Variants in B3GALT1 observed in about 807,000 individuals in gnomAD.
The protein encoded by B3GALT1 is UDP-Gal:betaGlcNAc beta 1,3-galactosyltransferase, polypeptide 1.
In B3GALT1, 10 loss-of-function variants were observed where a neutral mutation model predicts 23.2. That is an observed-to-expected ratio of 0.43 (90% CI 0.27 to 0.73). The LOEUF is 0.73. Ranked by LOEUF, B3GALT1 falls within the 30% of genes least tolerant of loss-of-function variation. B3GALT1 has a pLI of 0.21. For missense variants in B3GALT1, 299 were observed against 405.4 expected (o/e 0.74, Z 2.25); for synonymous variants, 156 against 141.5 (o/e 1.10, Z -0.73).
At chr2:167,460,325 G>A (rs1471241753) in intron 1 of B3GALT1, among the ~76,000 whole-genome samples, 1 of 152,022 alleles carries the variant, frequency 6.6e-6, no homozygotes, top group Non-Finnish European at 1.5e-5. Context: ...TTTCAGGCTT[G>A]ATAATTTCCT....
chr2:167,583,760 T>A (rs1684531671), intron 2 of B3GALT1, among the ~76,000 whole-genome samples: 1 of 151,992 alleles, frequency 6.6e-6, no homozygotes, highest in Non-Finnish European at 1.5e-5. Flanking sequence ...TTTTACAGTG[T>A]TTTTAATAAT....
chr2:167,677,728 CT>C (rs934279901), intron 3 of B3GALT1, among the ~76,000 whole-genome samples: 6 of 152,156 alleles, frequency 3.9e-5, no homozygotes, highest in Admixed American at 3.9e-4. Context: ...CATTCTCATG[CT>C]GCTATAAGGA....
At chr2:167,772,369 C>A (rs1688087875) in intron 3 of B3GALT1, among the ~76,000 whole-genome samples, 1 of 152,136 alleles carries the variant, frequency 6.6e-6, no homozygotes, top group Non-Finnish European at 1.5e-5. Flanking sequence ...CTCATAACAA[C>A]CCTGTGAAGT....
chr2:167,803,285 A>G (rs1270889432), intron 3 of B3GALT1, among the ~76,000 whole-genome samples: 2 of 152,222 alleles, frequency 1.3e-5, no homozygotes, highest in African/African-American at 4.8e-5. Context: ...ATGCATTTTG[A>G]AGAACAAATA....
At chr2:167,343,481 T>G (rs1403900) in intron 1 of B3GALT1, among the ~76,000 whole-genome samples, 132,209 of 152,126 alleles carry the variant, frequency 0.87, 57,668 homozygotes, top group Middle Eastern at 0.93. Flanking sequence ...TTTAAGCAAC[T>G]ACACTGACAT....
chr2:167,378,135 G>A (rs1434557559), intron 1 of B3GALT1, among the ~76,000 whole-genome samples: 2 of 152,146 alleles, frequency 1.3e-5, no homozygotes, highest in Non-Finnish European at 2.9e-5. Context: ...CTTTAAAAAT[G>A]CTGAAAATAG....
At chr2:167,571,695 T>C (rs563085018) in intron 2 of B3GALT1, among the ~76,000 whole-genome samples, 2 of 152,002 alleles carry the variant, frequency 1.3e-5, no homozygotes, top group Admixed American at 1.3e-4. Flanking sequence ...CAAAAGTAAC[T>C]AGCAGTTCTA....
chr2:167,466,879 ATTTTTTTT>A (rs567975404), intron 1 of B3GALT1, among the ~76,000 whole-genome samples: 6 of 85,056 alleles, frequency 7.1e-5, no homozygotes, highest in Admixed American at 1.3e-4. Context: ...CGCCTGGCTA[ATTTTTTTT>A]TTTTTTTTTT....
At chr2:167,605,243 C>A (rs1173218571) in intron 2 of B3GALT1, among the ~76,000 whole-genome samples, 2 of 152,192 alleles carry the variant, frequency 1.3e-5, no homozygotes, top group East Asian at 3.9e-4. Flanking sequence ...ATTGAGCATT[C>A]TTTTGGATAA....
At chr2:167,475,312 C>T (rs953345887) in intron 1 of B3GALT1, among the ~76,000 whole-genome samples, 1 of 152,090 alleles carries the variant, frequency 6.6e-6, no homozygotes, top group Non-Finnish European at 1.5e-5. Flanking sequence ...TTATCAGTTC[C>T]ACTCTCAAGG....
chr2:167,625,311 AACATGGCC>A (rs1685322457), intron 2 of B3GALT1, among the ~76,000 whole-genome samples: 1 of 151,950 alleles, frequency 6.6e-6, no homozygotes, highest in Non-Finnish European at 1.5e-5. Context: ...AGGAAGTACT[AACATGGCC>A]ACAATAATTC....
chr2:167,784,088 A>G (rs1046744055), intron 3 of B3GALT1, among the ~76,000 whole-genome samples: 2 of 152,128 alleles, frequency 1.3e-5, no homozygotes, highest in African/African-American at 4.8e-5. Flanking sequence ...ATTTTTTTCA[A>G]ACTCCAAACC....
chr2:167,369,619 A>T (rs1452967989), intron 1 of B3GALT1, among the ~76,000 whole-genome samples: 2 of 152,138 alleles, frequency 1.3e-5, no homozygotes, highest in Non-Finnish European at 2.9e-5. Context: ...GTAATACTCA[A>T]TTTTGTTTTA....
chr2:167,416,212 G>T (rs1403892), intron 1 of B3GALT1, among the ~76,000 whole-genome samples: 1 of 152,096 alleles, frequency 6.6e-6, no homozygotes, highest in Admixed American at 6.5e-5. Flanking sequence ...TAGGAGGACA[G>T]AGTGGCTTTG....
intron 1 of B3GALT1, among the ~76,000 whole-genome samples, chr2:167,435,885 G>A (rs977853991): frequency 2.0e-5 from 3 of 150,480 alleles, no homozygotes; most frequent in Middle Eastern, 3.2e-3. Flanking sequence ...CTATTTGGTG[G>A]GTATGAATTT....
chr2:167,867,226 G>A (rs769239229), intron 4 of B3GALT1, among the ~76,000 whole-genome samples: 24 of 151,988 alleles, frequency 1.6e-4, no homozygotes, highest in African/African-American at 2.7e-4. Flanking sequence ...GCGCCCGGCC[G>A]AGAAGCTCTT....
chr2:167,448,425 C>G (rs1003488579), intron 1 of B3GALT1, among the ~76,000 whole-genome samples: 1 of 151,994 alleles, frequency 6.6e-6, no homozygotes, highest in Non-Finnish European at 1.5e-5. Context: ...TGAGAATTAT[C>G]TATTAATGTC....
chr2:167,345,766 A>G (rs1423177285), intron 1 of B3GALT1, among the ~76,000 whole-genome samples: 1 of 152,180 alleles, frequency 6.6e-6, no homozygotes, highest in Non-Finnish European at 1.5e-5. Flanking sequence ...GTGCTGTGGT[A>G]GATGATTACT....
intron 2 of B3GALT1, among the ~76,000 whole-genome samples, chr2:167,528,890 G>C (rs958886054): frequency 6.6e-6 from 1 of 152,038 alleles, no homozygotes; most frequent in Non-Finnish European, 1.5e-5. Flanking sequence ...CCTTGATCTT[G>C]GGTCTGCTTC....
Sources: gnomAD v4.1 joint callset for allele counts (sites outside exome capture counted in the v4.1 genomes callset) on GRCh38, gnomAD v4.1.1 for gene constraint, MANE v1.5 for transcripts, NCBI Gene and HGNC (gene_info 2026-07-23, HGNC 2026-07-21) for gene names.